The following UNC13C variants were observed in gnomAD, a reference collection of about 807,000 sequenced individuals.
The protein encoded by UNC13C is unc-13 homolog C, also known as protein unc-13 homolog C.
Under a neutral mutation model 245.4 loss-of-function variants are expected in UNC13C, and 174 were observed. The ratio of observed to expected loss-of-function variants is 0.71; its 90% CI spans 0.63 to 0.80. The LOEUF is 0.80. Among genes scored for constraint, UNC13C ranks in the 30% least tolerant of loss-of-function variants. The pLI, the probability that UNC13C is intolerant of heterozygous loss-of-function variation, is 0.00. For synonymous variants in UNC13C, 992 were observed against 895.1 expected (o/e 1.11, Z -1.93); for missense variants, 2,829 against 2,602.9 (o/e 1.09, Z -1.89).
At chr15:54,304,474 C>T (rs1049346456) in intron 13 of UNC13C, among the ~76,000 whole-genome samples, 19 of 151,898 alleles carry the variant, frequency 1.3e-4, no homozygotes, top group African/African-American at 4.6e-4. Flanking sequence ...TTTTTCCCAG[C>T]TTAGCAAAAC....
intron 10 of UNC13C, among the ~76,000 whole-genome samples, chr15:54,267,140 C>CA (rs2036567439): frequency 6.7e-6 from 1 of 149,778 alleles, no homozygotes; most frequent in South Asian, 2.1e-4. Flanking sequence ...CTAAAACTGA[C>CA]ATTTGTATGT....
At chr15:53,898,411 TACAC>T in the UNC13C span, among the ~76,000 whole-genome samples, 7 of 150,868 alleles carry the variant, frequency 4.6e-5, no homozygotes, top group Admixed American at 1.3e-4. Context: ...TCCAGACACA[TACAC>T]ACACACACAC....
intron 4 of UNC13C, among the ~76,000 whole-genome samples, chr15:54,159,236 T>G (rs1316016170): frequency 6.6e-6 from 1 of 152,216 alleles, no homozygotes; most frequent in Admixed American, 6.5e-5. Context: ...ACATGCTGAT[T>G]CAATAATTTC....
chr15:54,461,264 A>C (rs952431757), intron 19 of UNC13C, among the ~76,000 whole-genome samples: 6 of 152,224 alleles, frequency 3.9e-5, no homozygotes, highest in Admixed American at 2.6e-4. Flanking sequence ...GAGTGCTGAC[A>C]TGACACTCAA....
intron 4 of UNC13C, among the ~76,000 whole-genome samples, chr15:54,164,415 C>T (rs2033092487): frequency 6.6e-6 from 1 of 151,934 alleles, no homozygotes; most frequent in Admixed American, 6.6e-5. Flanking sequence ...CAATGTAAAC[C>T]AAGTTAAAAA....
intron 30 of UNC13C, among the ~76,000 whole-genome samples, chr15:54,607,237 G>A (rs112429294): frequency 0.012 from 1,770 of 152,266 alleles, 33 homozygotes; most frequent in African/African-American, 0.04. Context: ...TTAAGAATGC[G>A]AGAGAATCTT....
intron 2 of UNC13C, among the ~76,000 whole-genome samples, chr15:54,072,782 T>C (rs146744527): frequency 1.3e-5 from 2 of 152,322 alleles, no homozygotes; most frequent in East Asian, 3.9e-4. Flanking sequence ...TTTTACTACT[T>C]GTAGGTATAA....
intron 14 of UNC13C, among the ~76,000 whole-genome samples, chr15:54,324,277 T>A (rs1241106186): frequency 4.6e-5 from 7 of 152,084 alleles, no homozygotes; most frequent in African/African-American, 7.2e-5. Flanking sequence ...GATTCTGTCA[T>A]CTGGGACACA....
At chr15:54,266,684 T>C (rs759511528) in intron 10 of UNC13C, among the ~76,000 whole-genome samples, 3 of 152,018 alleles carry the variant, frequency 2.0e-5, no homozygotes, top group Non-Finnish European at 4.4e-5. Context: ...TCTACACATT[T>C]AAAGTGTACA....
chr15:54,362,897 A>G (rs1178169368), intron 17 of UNC13C, among the ~76,000 whole-genome samples: 2 of 152,218 alleles, frequency 1.3e-5, no homozygotes, highest in Non-Finnish European at 2.9e-5. Context: ...AGAAGAAGGC[A>G]TATAAAGAAT....
the UNC13C span, among the ~76,000 whole-genome samples, chr15:53,902,007 C>T: frequency 6.6e-6 from 1 of 152,116 alleles, no homozygotes; most frequent in African/African-American, 2.4e-5. Context: ...TGACCTTTAT[C>T]CTAAGACTAA....
intron 2 of UNC13C, among the ~76,000 whole-genome samples, chr15:54,097,026 G>A (rs112453073): frequency 6.6e-6 from 1 of 152,076 alleles, no homozygotes; most frequent in Non-Finnish European, 1.5e-5. Context: ...TGAAATTTCT[G>A]AAGTCAGAGA....
the UNC13C span, among the ~76,000 whole-genome samples, chr15:53,901,205 T>A: frequency 6.8e-6 from 1 of 148,092 alleles, no homozygotes; most frequent in Admixed American, 7.1e-5. Context: ...CATTTTAATG[T>A]CTTCATAGAT....
chr15:53,844,052 G>A, the UNC13C span, among the ~76,000 whole-genome samples: 1 of 152,178 alleles, frequency 6.6e-6, no homozygotes, highest in Non-Finnish European at 1.5e-5. Flanking sequence ...ATAAAAAGGG[G>A]AACTGATAAT....
At chr15:54,077,388 T>C (rs1172105723) in intron 2 of UNC13C, among the ~76,000 whole-genome samples, 1 of 129,334 alleles carries the variant, frequency 7.7e-6, no homozygotes, top group African/African-American at 2.9e-5. Flanking sequence ...TTTTTTTTTT[T>C]TTTTTTTTGA....
At chr15:54,082,061 A>G (rs1441197320) in intron 2 of UNC13C, among the ~76,000 whole-genome samples, 1 of 152,232 alleles carries the variant, frequency 6.6e-6, no homozygotes. Flanking sequence ...TTGTCAGGAT[A>G]TAAAATGCAT....
At chr15:54,298,921 C>T (rs182106045) in intron 12 of UNC13C, among the ~76,000 whole-genome samples, 2 of 152,152 alleles carry the variant, frequency 1.3e-5, no homozygotes, top group African/African-American at 4.8e-5. Context: ...AAAATTTATA[C>T]ATGTAAATAT....
rs146489747 is a variant in UNC13C at position 54,094,224 on chromosome 15, C to T, written c.2984-48794C>T. Among the ~76,000 whole-genome samples the T allele has an allele frequency of 2.9e-4, 44 of 152,290 alleles. No individual in the cohort carries two copies. In the East Asian group the frequency reaches 7.7e-3, roughly 27 times the overall value. On this transcript the variant is annotated intron_variant, in intron 2 of 32. Coordinates refer to ENST00000260323, the MANE Select transcript of UNC13C (RefSeq NM_001080534.3). ...GTCTGAGACGTCTCCGCTAAACTTT[C>T]CTTCCGTGTGTCCTTCACCCAGGGT...
the UNC13C span, among the ~76,000 whole-genome samples, chr15:53,908,743 ACCTTTCTC>A: frequency 1.9e-5 from 1 of 51,302 alleles, no homozygotes; most frequent in African/African-American, 9.3e-5. Context: ...CAGAATGAGA[ACCTTTCTC>A]CAAAAAAAAA....
Sources: allele counts gnomAD v4.1 joint callset (sites outside exome capture counted in the v4.1 genomes callset), GRCh38; gene constraint gnomAD v4.1.1; transcripts MANE v1.5; gene names NCBI Gene and HGNC (gene_info 2026-07-23, HGNC 2026-07-21).